The following SYN3 variants were observed in gnomAD, a reference collection of about 807,000 sequenced individuals.
The protein encoded by SYN3 is synapsin III.
SYN3 carries 35 observed loss-of-function variants against 65.8 expected under a neutral mutation model. That is an observed-to-expected ratio of 0.53 (90% CI 0.41 to 0.70). SYN3 has a LOEUF of 0.70. Among genes scored for constraint, SYN3 ranks in the 30% least tolerant of loss-of-function variants. The probability of loss-of-function intolerance (pLI) is 0.00; values close to 1 mark genes in which losing one functional copy is unlikely to be tolerated. For missense variants in SYN3, 680 were observed against 749.0 expected (o/e 0.91, Z 1.08); for synonymous variants, 270 against 292.9 (o/e 0.92, Z 0.80).
intron 6 of SYN3, among the ~76,000 whole-genome samples, chr22:32,814,317 C>CAGAA (rs552312629): frequency 2.7e-4 from 12 of 43,692 alleles, no homozygotes; most frequent in East Asian, 2.2e-3. Context: ...GAGAGAGAGA[C>CAGAA]AGAAAGAAAG....
intron 12 of SYN3, among the ~76,000 whole-genome samples, chr22:32,521,442 A>AT (rs34710233): frequency 0.44 from 53,262 of 119,702 alleles, 12,890 homozygotes; most frequent in East Asian, 0.6. Flanking sequence ...ACACCTCTTG[A>AT]TTTTTTTTTT....
chr22:32,961,319 ATCTCTC>A (rs144339107), intron 3 of SYN3, among the ~76,000 whole-genome samples: 8 of 148,706 alleles, frequency 5.4e-5, no homozygotes, highest in African/African-American at 9.8e-5. Context: ...TCTTTCTAGC[ATCTCTC>A]TCTCTCTCTC....
At chr22:33,014,385 A>G (rs1242630842) in intron 1 of SYN3, 1 of 152,186 alleles carries the variant, frequency 6.6e-6, no homozygotes, top group African/African-American at 2.4e-5. Flanking sequence ...TGATTTCAAT[A>G]TATTTGGATA....
At chr22:32,962,426 G>A (rs1418829963) in intron 3 of SYN3, among the ~76,000 whole-genome samples, 2 of 152,092 alleles carry the variant, frequency 1.3e-5, no homozygotes, top group Non-Finnish European at 2.9e-5. Context: ...GAGCCACTAC[G>A]CCCAGCCTAC....
chr22:32,938,318 G>C (rs1397850280), intron 3 of SYN3, among the ~76,000 whole-genome samples: 1 of 151,012 alleles, frequency 6.6e-6, no homozygotes, highest in Non-Finnish European at 1.5e-5. Context: ...CACAAGGTCA[G>C]GAGATCAAGA....
intron 7 of SYN3, among the ~76,000 whole-genome samples, chr22:32,549,363 C>T (rs1363296765): frequency 1.3e-5 from 2 of 152,106 alleles, no homozygotes; most frequent in African/African-American, 4.8e-5. Flanking sequence ...AAGCAATCCT[C>T]CTGCCGCAGC....
At chr22:32,802,036 G>T in intron 6 of SYN3, 1 of 1,576,304 alleles carries the variant, frequency 6.3e-7, no homozygotes. Context: ...GTGCTCCTGG[G>T]CAGCTGGAGC....
chr22:33,052,409 TCTC>T (rs1190315477), intron 1 of SYN3, among the ~76,000 whole-genome samples: 4 of 151,182 alleles, frequency 2.6e-5, no homozygotes, highest in Admixed American at 6.6e-5. Context: ...TCCTCTTCTT[TCTC>T]CTCCTCCTCC....
chr22:32,623,894 C>T (rs1055377200), intron 6 of SYN3, among the ~76,000 whole-genome samples: 10 of 152,112 alleles, frequency 6.6e-5, no homozygotes, highest in African/African-American at 1.4e-4. Context: ...AGGGTTCTGA[C>T]GGGAATCGAG....
chr22:32,682,112 CA>C (rs1373180109), intron 6 of SYN3, among the ~76,000 whole-genome samples: 1 of 90,524 alleles, frequency 1.1e-5, no homozygotes, highest in African/African-American at 3.2e-5. Flanking sequence ...GGTTCTCAAC[CA>C]GGGGCCATTC....
intron 6 of SYN3, among the ~76,000 whole-genome samples, chr22:32,610,976 C>T (rs1229432707): frequency 7.2e-5 from 11 of 152,254 alleles, no homozygotes; most frequent in Non-Finnish European, 1.2e-4. Context: ...TGGTGTCTGA[C>T]GTTTAATTAT....
chr22:32,895,598 C>T (rs2049569803), intron 4 of SYN3, among the ~76,000 whole-genome samples: 1 of 152,200 alleles, frequency 6.6e-6, no homozygotes, highest in African/African-American at 2.4e-5. Context: ...TAGACTCTTG[C>T]TATGTGAGAA....
At chr22:32,796,281 AC>A (rs888486512) in intron 6 of SYN3, among the ~76,000 whole-genome samples, 1 of 152,076 alleles carries the variant, frequency 6.6e-6, no homozygotes, top group African/African-American at 2.4e-5. Context: ...ATTTCCCACC[AC>A]CCTAGATAAC....
intron 6 of SYN3, among the ~76,000 whole-genome samples, chr22:32,619,839 T>A (rs1167133947): frequency 6.6e-6 from 1 of 152,242 alleles, no homozygotes; most frequent in East Asian, 1.9e-4. Context: ...TGGGACCCCG[T>A]AATCATTTTG....
intron 6 of SYN3, among the ~76,000 whole-genome samples, chr22:32,619,340 G>T (rs2059563876): frequency 6.6e-6 from 1 of 152,162 alleles, no homozygotes; most frequent in African/African-American, 2.4e-5. Flanking sequence ...TTCATAGCCT[G>T]CTAATAAATA....
chr22:32,581,792 CTTTTTTTTTTTTTT>C (rs10716395), intron 7 of SYN3, among the ~76,000 whole-genome samples: 1 of 84,320 alleles, frequency 1.2e-5, no homozygotes, highest in Non-Finnish European at 2.2e-5. Flanking sequence ...TTCTTTCTTT[CTTTTTTTTTTTTTT>C]TTTTTTTTGA....
chr22:32,600,359 G>A (rs191607130), intron 6 of SYN3, among the ~76,000 whole-genome samples: 2,278 of 127,672 alleles, frequency 0.018, 67 homozygotes, highest in African/African-American at 0.07. Context: ...GCGGTCGTGC[G>A]AGTGATGCAG....
intron 6 of SYN3, among the ~76,000 whole-genome samples, chr22:32,726,971 G>GTT (rs35000501): frequency 2.7e-5 from 4 of 146,658 alleles, no homozygotes; most frequent in African/African-American, 2.5e-5. Context: ...CTGGAATGAA[G>GTT]TTTTTTTTTT....
chr22:32,814,118 G>A (rs1211524037), intron 6 of SYN3, among the ~76,000 whole-genome samples: 9 of 48,992 alleles, frequency 1.8e-4, no homozygotes, highest in African/African-American at 4.9e-4. Context: ...GTGTGTGTGT[G>A]TGTGTGTGTG....
Sources: gnomAD v4.1 joint callset for allele counts (sites outside exome capture counted in the v4.1 genomes callset) on GRCh38, gnomAD v4.1.1 for gene constraint, MANE v1.5 for transcripts, NCBI Gene and HGNC (gene_info 2026-07-23, HGNC 2026-07-21) for gene names.